The following MCUB variants were observed in gnomAD, a reference collection of about 807,000 sequenced individuals.
The protein encoded by MCUB is calcium uniporter regulatory subunit MCUb, mitochondrial.
MCUB carries 46 observed loss-of-function variants against 41.4 expected under a neutral mutation model. The ratio of observed to expected loss-of-function variants is 1.11; its 90% CI spans 0.88 to 1.42. The LOEUF (loss-of-function observed/expected upper bound fraction) is 1.42. Ranked by LOEUF, MCUB falls within the 40% of genes most tolerant of loss-of-function variation. MCUB has a pLI of 0.00. For missense variants in MCUB, 403 were observed against 404.9 expected (o/e 1.00, Z 0.04); for synonymous variants, 148 against 148.2 (o/e 1.00, Z 0.01).
At position 109,687,592 on chromosome 4, in the gene MCUB, A is replaced by G. The variant is rs965758759; in HGVS notation, c.1011A>G (p.Ter337=). ...TAGAAGAACTCAATGAAAAGAATTA[A>G]TCTTACAGTTTTAAATGTCGTCAGA... The part of the protein sequence containing the change: ...MQVEELNEKN[*] The change falls in exon 8 of 8, where the codon TAA becomes TAG. Residue 337 remains the stop codon, a stop_retained_variant. Transcript: ENST00000394650. 1 of 1,596,530 alleles carries G rather than the reference A, an allele frequency of 6.3e-7. No homozygotes were observed. The highest frequency in any genetic ancestry group is 2.2e-5 in the East Asian group (1 of 44,758).
intron 1 of MCUB, among the ~76,000 whole-genome samples, chr4:109,618,760 TA>T (rs1728182090): frequency 7.1e-6 from 1 of 140,214 alleles, no homozygotes; most frequent in African/African-American, 2.4e-5. Flanking sequence ...CATTAGTCTT[TA>T]AATAGTTACA....
At chr4:109,600,303 G>T (rs33966365) in intron 1 of MCUB, among the ~76,000 whole-genome samples, 35,698 of 152,024 alleles carry the variant, frequency 0.23, 4,422 homozygotes, top group Middle Eastern at 0.28. Context: ...TTTGGGCCAT[G>T]TAGCCCTCAT....
intron 7 of MCUB, among the ~76,000 whole-genome samples, chr4:109,686,224 G>C (rs752424087): frequency 6.6e-6 from 1 of 152,084 alleles, no homozygotes; most frequent in Admixed American, 6.5e-5. Context: ...TGCAACCTCC[G>C]CCTCCTGGGT....
chr4:109,669,891 G>A (rs1729417883), intron 4 of MCUB, among the ~76,000 whole-genome samples: 1 of 151,804 alleles, frequency 6.6e-6, no homozygotes, highest in Non-Finnish European at 1.5e-5. Context: ...ATTTCCATCT[G>A]TCTTCTTACA....
At chr4:109,656,046 G>T (rs985205403) in intron 1 of MCUB, among the ~76,000 whole-genome samples, 1 of 152,078 alleles carries the variant, frequency 6.6e-6, no homozygotes, top group Admixed American at 6.6e-5. Flanking sequence ...CCTCTATCTT[G>T]TGGGTGCTAC....
Position 109,617,402 on chromosome 4 carries a change from C to T in MCUB, c.100-41609C>T, listed in dbSNP as rs531753346. On this transcript the variant is annotated intron_variant, in intron 1 of 7. Coordinates refer to ENST00000394650, the MANE Select transcript of MCUB (RefSeq NM_017918.5). ...CCAAATAAGGCTCCCCACACATTTC[C>T]ACATTTAGTGTGTCGGGGGTGGGAG... is the stretch of plus-strand genomic sequence containing the variant. Among the ~76,000 whole-genome samples, 4 of 152,240 alleles carry T rather than the reference C, an allele frequency of 2.6e-5. No homozygotes were observed. In the East Asian group the frequency reaches 7.7e-4, roughly 29 times the overall value.
At chr4:109,687,075 C>A (rs1339472559) in intron 7 of MCUB, among the ~76,000 whole-genome samples, 1 of 151,700 alleles carries the variant, frequency 6.6e-6, no homozygotes, top group Non-Finnish European at 1.5e-5. Flanking sequence ...TTAAAAAGAT[C>A]CACATATAAA....
chr4:109,654,802 C>T (rs1393445044), intron 1 of MCUB, among the ~76,000 whole-genome samples: 1 of 152,158 alleles, frequency 6.6e-6, no homozygotes, highest in African/African-American at 2.4e-5. Flanking sequence ...TTACTATGAT[C>T]TCTTTCTACC....
At chr4:109,656,354 C>CTTTTTTTTTTTTTTTTT (rs752851425) in intron 1 of MCUB, among the ~76,000 whole-genome samples, 4 of 62,116 alleles carry the variant, frequency 6.4e-5, no homozygotes, top group African/African-American at 1.6e-4. Context: ...TTACTCTCTA[C>CTTTTTTTTTTTTTTTTT]TTTTTTTTTT....
intron 1 of MCUB, among the ~76,000 whole-genome samples, chr4:109,598,931 G>A (rs1191613569): frequency 6.6e-6 from 1 of 152,138 alleles, no homozygotes. Context: ...TTCTCTATCA[G>A]CCAAATGTTG....
chr4:109,591,200 T>C (rs76463527), intron 1 of MCUB, among the ~76,000 whole-genome samples: 12 of 150,892 alleles, frequency 8.0e-5, no homozygotes, highest in Admixed American at 4.6e-4. Context: ...TTTTTTTTTT[T>C]CCTTTGAGAC....
Position 109,560,259 on chromosome 4 carries a change from A to C in MCUB, c.-79A>C. 1.4e-6 allele frequency: 1 copy of C among 698,262 alleles called. No individual in the cohort carries two copies. Among genetic ancestry groups the C allele is most frequent in the Admixed American group, 4.4e-5 (1 of 22,574 alleles). 43.3% of individuals were successfully genotyped at this position (698,262 alleles called of 1,614,324 possible). On this transcript the variant is annotated 5_prime_UTR_variant, in exon 1 of 8. Transcript: ENST00000394650. Reference sequence around the variant, plus strand: ...GCGGGAGCGCCCACAGCTCGGAGCCACCAGGCGCTGACGAGGAGCCCGGCT... The same window carrying C: ...GCGGGAGCGCCCACAGCTCGGAGCCCCCAGGCGCTGACGAGGAGCCCGGCT...
At chr4:109,679,220 G>A (rs1484463941) in intron 4 of MCUB, among the ~76,000 whole-genome samples, 1 of 152,236 alleles carries the variant, frequency 6.6e-6, no homozygotes, top group Non-Finnish European at 1.5e-5. Context: ...GCCCGGCAGA[G>A]ACACTCCTTA....
At position 109,560,385 on chromosome 4, in the gene MCUB, C is replaced by A; in HGVS notation, c.48C>A (p.Thr16=). The A allele has an allele frequency of 7.5e-7, 1 of 1,328,998 alleles. No homozygotes were observed. The highest frequency in any genetic ancestry group is 2.0e-5 in the South Asian group (1 of 48,952). 82.3% of individuals were successfully genotyped at this position (1,328,998 alleles called of 1,614,324 possible). A position where few individuals can be genotyped will look rare whatever the true frequency, so the allele number is the denominator to read the frequency against. Residue 16 remains threonine (T), a synonymous_variant, in exon 1 of 8, where the codon ACC becomes ACA. Coordinates refer to ENST00000394650, the MANE Select transcript of MCUB (RefSeq NM_017918.5). The stretch of plus-strand genomic sequence containing the variant: ...CGTGGCGCACGCGGCTGCTGCCGAC[C>A]CCTGGCACCTGGCGCCCAGCGCGCC... ...LWPWRTRLLP[T]PGTWRPARPW...
rs1259312845 is a variant in MCUB, at chr4:109,688,322, T to C, written c.*730T>C. 1.3e-5 allele frequency: 2 copies of C among 152,158 alleles called. No homozygotes were observed. The highest frequency in any genetic ancestry group is 3.8e-4 in the East Asian group (2 of 5,198). The allele number at this position is 152,158 out of a possible 1,614,324, so 9.4% of individuals were successfully genotyped here. A position where few individuals can be genotyped will look rare whatever the true frequency, so the allele number is the denominator to read the frequency against. ...ACATCTGTTATTCTATTAATGTGATTGTGTGTGAATGGGTCTGATGACTGT... is the reference window on the plus strand; with the variant it reads ...ACATCTGTTATTCTATTAATGTGATCGTGTGTGAATGGGTCTGATGACTGT... On this transcript the variant is annotated 3_prime_UTR_variant, in exon 8 of 8. Coordinates refer to ENST00000394650, the MANE Select transcript of MCUB (RefSeq NM_017918.5).
In MCUB at chr4:109,688,247, G is replaced by T. The variant is rs1729899654; in HGVS notation, c.*655G>T. ...CCTCTGGCAGATTATTAACAAAACA[G>T]TATTATTCAGATTCTATATCATATT... On this transcript the variant is annotated 3_prime_UTR_variant, in exon 8 of 8. Transcript: ENST00000394650. 6.6e-6 allele frequency: 1 copy of T among 152,194 alleles called. No homozygotes were observed. The allele number at this position is 152,194 out of a possible 1,614,324, so 9.4% of individuals were successfully genotyped here.
intron 1 of MCUB, among the ~76,000 whole-genome samples, chr4:109,565,714 C>T (rs1726754621): frequency 6.6e-6 from 1 of 152,050 alleles, no homozygotes; most frequent in African/African-American, 2.4e-5. Flanking sequence ...TTTTAGGGTT[C>T]TGACGATAAT....
rs781263035 is a variant in MCUB, at chr4:109,684,518, A to T, written c.688A>T (p.Ile230Phe). The change falls in exon 6 of 8, where the codon ATT (isoleucine) becomes TTT (phenylalanine). Residue 230 changes from isoleucine (I) to phenylalanine (F), a missense_variant. By Grantham distance (21) the Ile-to-Phe change is conservative (BLOSUM62 0). Transcript: ENST00000394650. ...GTGGGCTGGATTGGCACTGCTGTCCATTCAGGGTGGGGCACTGGCCTGGCT... is the reference window on the plus strand; with the variant it reads ...GTGGGCTGGATTGGCACTGCTGTCCTTTCAGGGTGGGGCACTGGCCTGGCT... ...LLWAGLALLS[I>F]QGGALAWLTW... is the part of the protein sequence containing the mutation. 3 of 1,614,016 alleles carry T rather than the reference A, an allele frequency of 1.9e-6. No individual in the cohort carries two copies. In the South Asian group the frequency reaches 3.3e-5, roughly 18 times the overall value.
chr4:109,568,060 G>T (rs570399465), intron 1 of MCUB, among the ~76,000 whole-genome samples: 1 of 150,574 alleles, frequency 6.6e-6, no homozygotes, highest in African/African-American at 2.5e-5. Flanking sequence ...ACTGTAATGT[G>T]ACCATAAACC....
Sources: gnomAD v4.1 joint callset for allele counts (sites outside exome capture counted in the v4.1 genomes callset) on GRCh38, gnomAD v4.1.1 for gene constraint, MANE v1.5 for transcripts, NCBI Gene and HGNC (gene_info 2026-07-23, HGNC 2026-07-21) for gene names.